Variants in VPS50 observed in about 807,000 individuals in gnomAD.
VPS50 encodes the protein syndetin.
Under a neutral mutation model 139.7 loss-of-function variants are expected in VPS50, and 70 were observed. The ratio of observed to expected loss-of-function variants is 0.50; its 90% CI spans 0.41 to 0.61. The LOEUF is 0.61. Among genes scored for constraint, VPS50 ranks in the 20% least tolerant of loss-of-function variants. The pLI, the probability that VPS50 is intolerant of heterozygous loss-of-function variation, is 0.00. For synonymous variants in VPS50, 365 were observed against 376.7 expected (o/e 0.97, Z 0.36); for missense variants, 921 against 1,133.7 (o/e 0.81, Z 2.69).
intron 9 of VPS50, among the ~76,000 whole-genome samples, chr7:93,268,446 G>C (rs889807090): frequency 1.3e-5 from 2 of 151,966 alleles, no homozygotes; most frequent in African/African-American, 2.4e-5. Context: ...ATTAAATCTG[G>C]CATGCATTAG....
chr7:93,257,438 T>A lies in VPS50; in HGVS notation c.396T>A (p.Ala132=). The A allele has an allele frequency of 6.2e-7, 1 of 1,604,864 alleles. No individual in the cohort carries two copies. The highest frequency in any genetic ancestry group is 8.5e-7 in the Non-Finnish European group (1 of 1,172,628). The stretch of plus-strand genomic sequence containing the variant: ...CATTGCAGACAGGTCTTCAATTAGC[T>A]GCTGTTATCTGTACAAATGGGAGAA... ...VTSLQTGLQL[A]AVICTNGRRH... The change falls in exon 6 of 28, where the codon GCT becomes GCA. Residue 132 remains alanine (A), a synonymous_variant. Coordinates refer to ENST00000305866, the MANE Select transcript of VPS50 (RefSeq NM_017667.4).
intron 16 of VPS50, among the ~76,000 whole-genome samples, chr7:93,301,164 GC>G (rs1178872475): frequency 6.6e-6 from 1 of 152,010 alleles, no homozygotes; most frequent in Non-Finnish European, 1.5e-5. Flanking sequence ...GGGCGTGGTG[GC>G]GGGTGCCTGT....
chr7:93,237,260 T>C (rs964977397), intron 1 of VPS50, among the ~76,000 whole-genome samples: 3 of 152,042 alleles, frequency 2.0e-5, no homozygotes, highest in Non-Finnish European at 4.4e-5. Context: ...CCGGCCTGTT[T>C]TACTTCTTAT....
chr7:93,307,429 C>T (rs1797148529), intron 18 of VPS50, among the ~76,000 whole-genome samples: 1 of 151,778 alleles, frequency 6.6e-6, no homozygotes, highest in South Asian at 2.1e-4. Context: ...CTAAATAGGT[C>T]AAGAAAAGGA....
chr7:93,280,353 A>C (rs1279816669), intron 12 of VPS50, among the ~76,000 whole-genome samples: 1 of 152,134 alleles, frequency 6.6e-6, no homozygotes, highest in African/African-American at 2.4e-5. Context: ...AAGTAGGTAC[A>C]TTATTTTGAA....
At chr7:93,343,264 G>A (rs1022330885) in intron 23 of VPS50, among the ~76,000 whole-genome samples, 11 of 152,158 alleles carry the variant, frequency 7.2e-5, no homozygotes, top group Non-Finnish European at 1.2e-4. Context: ...GAAATGAAGC[G>A]AGAAGGGAAG....
intron 8 of VPS50, among the ~76,000 whole-genome samples, chr7:93,259,002 A>G (rs914068292): frequency 2.6e-5 from 4 of 152,060 alleles, no homozygotes; most frequent in African/African-American, 9.7e-5. Flanking sequence ...CTTCTCAACT[A>G]TTACTGCTAA....
chr7:93,313,609 C>A (rs1562882205), intron 20 of VPS50, among the ~76,000 whole-genome samples: 2 of 152,056 alleles, frequency 1.3e-5, no homozygotes, highest in South Asian at 4.1e-4. Context: ...AAGATACAGG[C>A]CTTTATAATA....
intron 12 of VPS50, among the ~76,000 whole-genome samples, chr7:93,289,429 T>G (rs1796585933): frequency 6.6e-6 from 1 of 152,122 alleles, no homozygotes; most frequent in African/African-American, 2.4e-5. Context: ...AGCTCTTTAT[T>G]GTGAATATAT....
intron 9 of VPS50, among the ~76,000 whole-genome samples, chr7:93,263,578 T>G (rs1795751554): frequency 6.6e-6 from 1 of 152,208 alleles, no homozygotes; most frequent in African/African-American, 2.4e-5. Context: ...AAGGTTTTTG[T>G]TTTTGGTAGA....
Position 93,353,620 on chromosome 7 carries a change from C to T in VPS50, c.2464-20C>T, listed in dbSNP as rs764559020. On this transcript the variant is annotated intron_variant, in intron 25 of 27. Transcript: ENST00000305866. ...GCATTTTAATGATATTCACAAACAG[C>T]TACCTATTTGTCTTCTTAGGAATTT... The T allele has an allele frequency of 2.7e-5, 43 of 1,600,854 alleles. No individual in the cohort carries two copies. Among genetic ancestry groups the T allele is most frequent in the Non-Finnish European group, 3.6e-5 (42 of 1,175,694 alleles).
In VPS50 at chr7:93,342,250, G is replaced by A. The variant is rs190987401; in HGVS notation, c.2207+675G>A. Among the ~76,000 whole-genome samples the A allele has an allele frequency of 3.0e-4, 46 of 152,316 alleles. No homozygotes were observed. The East Asian group carries it at 5.6e-3, about 19-fold the overall frequency. On this transcript the variant is annotated intron_variant, in intron 23 of 27. Transcript: ENST00000305866. ...CTGCAAATCTGGGTCACTCCCACCC[G>A]AATACTGTGCTTTTCCGACGGGCTT...
intron 21 of VPS50, among the ~76,000 whole-genome samples, chr7:93,330,668 C>T (rs1262406176): frequency 6.9e-6 from 1 of 145,584 alleles, no homozygotes; most frequent in African/African-American, 2.5e-5. Flanking sequence ...GCAGGAGGAT[C>T]GCTTGAGCCC....
intron 1 of VPS50, among the ~76,000 whole-genome samples, chr7:93,233,358 T>G (rs1794696314): frequency 1.3e-5 from 2 of 152,144 alleles, no homozygotes; most frequent in African/African-American, 2.4e-5. Flanking sequence ...AAGATTAGAG[T>G]TTTAAATCAA....
At chr7:93,288,486 A>G (rs193219126) in intron 12 of VPS50, among the ~76,000 whole-genome samples, 1 of 152,280 alleles carries the variant, frequency 6.6e-6, no homozygotes, top group East Asian at 1.9e-4. Context: ...TACCTTCAGT[A>G]TAAATTCCTA....
At chr7:93,273,662 G>T (rs1012906708) in intron 11 of VPS50, among the ~76,000 whole-genome samples, 16 of 152,072 alleles carry the variant, frequency 1.1e-4, no homozygotes, top group African/African-American at 3.9e-4. Flanking sequence ...TACCTCCTAC[G>T]CACATTGCTT....
intron 1 of VPS50, 86 bp downstream of exon 1, chr7:93,232,586 G>C: frequency 8.2e-7 from 1 of 1,219,900 alleles, no homozygotes. Context: ...AGTGGCGGGC[G>C]GGGATCTAAG....
At chr7:93,335,957 G>A (rs1011793087) in intron 22 of VPS50, among the ~76,000 whole-genome samples, 7 of 152,120 alleles carry the variant, frequency 4.6e-5, no homozygotes, top group Admixed American at 2.0e-4. Flanking sequence ...ACATTGGTTT[G>A]TTATTTTAGA....
At chr7:93,353,329 T>TC (rs1471383487) in intron 25 of VPS50, among the ~76,000 whole-genome samples, 6 of 152,182 alleles carry the variant, frequency 3.9e-5, no homozygotes, top group African/African-American at 1.4e-4. Context: ...GCTCTATTCA[T>TC]CTGTACTGAC....
Sources: allele counts gnomAD v4.1 joint callset (sites outside exome capture counted in the v4.1 genomes callset), GRCh38; gene constraint gnomAD v4.1.1; transcripts MANE v1.5; gene names NCBI Gene and HGNC (gene_info 2026-07-23, HGNC 2026-07-21).